The following PPP2R3A variants were observed in gnomAD, a reference collection of about 807,000 sequenced individuals.
The protein encoded by PPP2R3A is protein phosphatase 2 regulatory subunit B''alpha.
In PPP2R3A, 80 loss-of-function variants were observed where a neutral mutation model predicts 106.9. The ratio of observed to expected loss-of-function variants is 0.75; its 90% confidence interval spans 0.62 to 0.90. The LOEUF (loss-of-function observed/expected upper bound fraction) is 0.90. PPP2R3A is among the 40% of genes least tolerant of loss of function. PPP2R3A has a pLI of 0.00. For missense variants in PPP2R3A, 1,386 were observed against 1,350.4 expected (o/e 1.03, Z -0.41); for synonymous variants, 483 against 468.3 (o/e 1.03, Z -0.41).
chr3:136,027,475 G>A (rs2107823903), intron 3 of PPP2R3A, among the ~76,000 whole-genome samples: 1 of 152,214 alleles, frequency 6.6e-6, no homozygotes, highest in Middle Eastern at 3.4e-3. Context: ...TGCCAGACAA[G>A]GAAGCATTAG....
chr3:136,064,349 A>G (rs943323863), intron 5 of PPP2R3A, among the ~76,000 whole-genome samples: 5 of 151,618 alleles, frequency 3.3e-5, no homozygotes, highest in African/African-American at 9.7e-5. Context: ...GCACACCAGC[A>G]TGGCACATGT....
intron 1 of PPP2R3A, among the ~76,000 whole-genome samples, chr3:135,987,282 C>T (rs560872040): frequency 6.6e-6 from 1 of 152,252 alleles, no homozygotes; most frequent in South Asian, 2.1e-4. Context: ...ATAGCAGTAA[C>T]ATAACCAGAG....
chr3:136,127,363 G>A (rs1322036773), intron 13 of PPP2R3A, among the ~76,000 whole-genome samples: 28 of 151,882 alleles, frequency 1.8e-4, no homozygotes, highest in Admixed American at 1.8e-3. Context: ...AGAACTTCCT[G>A]ACATACAAGC....
intron 3 of PPP2R3A, among the ~76,000 whole-genome samples, chr3:136,036,401 C>T (rs933213162): frequency 6.6e-6 from 1 of 152,178 alleles, no homozygotes; most frequent in Non-Finnish European, 1.5e-5. Context: ...TCTTTTGTCC[C>T]ACAGGGTGTT....
Position 136,008,482 on chromosome 3 carries a change from G to T in PPP2R3A, c.1995+4989G>T, listed in dbSNP as rs191244750. On this transcript the variant is annotated intron_variant, in intron 2 of 13. Transcript: ENST00000264977. Reference sequence around the variant, plus strand: ...CACATTTGGTGGCTTCTGACGTCAGGTACCTTTGCATTAATACCTGCATTC... The same window carrying T: ...CACATTTGGTGGCTTCTGACGTCAGTTACCTTTGCATTAATACCTGCATTC... 2.6e-5 allele frequency among the ~76,000 whole-genome samples: 4 copies of T among 152,248 alleles called. No individual in the cohort carries two copies. The East Asian group carries it at 7.7e-4, about 29-fold the overall frequency.
intron 2 of PPP2R3A, among the ~76,000 whole-genome samples, chr3:136,022,035 T>C (rs553524051): frequency 3.5e-4 from 54 of 152,208 alleles, no homozygotes; most frequent in Middle Eastern, 3.4e-3. Context: ...AAAGGATGAC[T>C]TTACTTTATG....
intron 4 of PPP2R3A, among the ~76,000 whole-genome samples, chr3:136,047,300 C>G (rs541453299): frequency 1.3e-5 from 2 of 152,142 alleles, no homozygotes; most frequent in Admixed American, 6.5e-5. Context: ...GGGTATATAC[C>G]CAAAGAAAAA....
At chr3:136,077,036 G>T (rs1936621430) in intron 6 of PPP2R3A, among the ~76,000 whole-genome samples, 1 of 152,096 alleles carries the variant, frequency 6.6e-6, no homozygotes, top group African/African-American at 2.4e-5. Context: ...GGTGATGATG[G>T]TCAGGTGCAC....
At chr3:135,997,159 T>TA (rs1933434029) in intron 1 of PPP2R3A, among the ~76,000 whole-genome samples, 1 of 152,186 alleles carries the variant, frequency 6.6e-6, no homozygotes, top group Admixed American at 6.5e-5. Flanking sequence ...AGCCCTCCTT[T>TA]TCTTAGCAAA....
intron 8 of PPP2R3A, among the ~76,000 whole-genome samples, chr3:136,085,849 G>A (rs1936913316): frequency 6.6e-6 from 1 of 151,786 alleles, no homozygotes; most frequent in Non-Finnish European, 1.5e-5. Flanking sequence ...CACTTTGGGA[G>A]GCCAAAGCGA....
rs920699371 is a variant in PPP2R3A, at chr3:135,982,748, G to A, written c.-441+16899G>A. Reference sequence around the variant, plus strand: ...AGTTCTGCTTTCCCATCTGATCTCAGTATCATCTTCCCCAACTCCAGCCAC... The same window carrying A: ...AGTTCTGCTTTCCCATCTGATCTCAATATCATCTTCCCCAACTCCAGCCAC... On this transcript the variant is annotated intron_variant, in intron 1 of 13. Transcript: ENST00000264977. Among the ~76,000 whole-genome samples, 3 of 152,090 alleles carry A rather than the reference G, an allele frequency of 2.0e-5. No homozygotes were observed. The East Asian group carries it at 5.8e-4, about 29-fold the overall frequency.
At chr3:136,139,706 A>AAAAG (rs771436729) in intron 13 of PPP2R3A, among the ~76,000 whole-genome samples, 2,883 of 149,948 alleles carry the variant, frequency 0.019, 124 homozygotes, top group African/African-American at 0.067. Context: ...AAAAAAAAAA[A>AAAAG]AAAGAGTTTG....
intron 13 of PPP2R3A, among the ~76,000 whole-genome samples, chr3:136,107,760 T>G (rs1223514114): frequency 6.6e-6 from 1 of 152,204 alleles, no homozygotes; most frequent in Non-Finnish European, 1.5e-5. Context: ...ACCCTTAAAA[T>G]CATTCATCGT....
At chr3:136,035,763 G>A (rs1283104380) in intron 3 of PPP2R3A, among the ~76,000 whole-genome samples, 1 of 152,188 alleles carries the variant, frequency 6.6e-6, no homozygotes, top group African/African-American at 2.4e-5. Flanking sequence ...GTATTTGGAT[G>A]TCTAGGTCTC....
chr3:136,103,118 T>A, intron 11 of PPP2R3A, 140 bp from the exon 12 acceptor site: 1 of 511,694 alleles, frequency 2.0e-6, no homozygotes, highest in Non-Finnish European at 3.5e-6. Flanking sequence ...AAAAAAGAAA[T>A]GAGATTTAAA....
intron 6 of PPP2R3A, among the ~76,000 whole-genome samples, chr3:136,073,630 G>A (rs1936509269): frequency 6.6e-6 from 1 of 152,112 alleles, no homozygotes; most frequent in African/African-American, 2.4e-5. Context: ...ACCTAATTGG[G>A]AACATTTCAC....
At chr3:135,979,559 C>G (rs1030289331) in intron 1 of PPP2R3A, among the ~76,000 whole-genome samples, 4 of 151,728 alleles carry the variant, frequency 2.6e-5, no homozygotes, top group African/African-American at 9.8e-5. Flanking sequence ...GTCCCTTTAA[C>G]TGAAGTACAC....
chr3:135,988,615 T>C (rs1933025161), intron 1 of PPP2R3A, among the ~76,000 whole-genome samples: 2 of 152,152 alleles, frequency 1.3e-5, no homozygotes, highest in South Asian at 4.1e-4. Context: ...ATTCTCACTC[T>C]TGCTAAAACA....
intron 5 of PPP2R3A, among the ~76,000 whole-genome samples, chr3:136,053,546 G>A (rs1016941730): frequency 6.6e-6 from 1 of 152,018 alleles, no homozygotes; most frequent in Non-Finnish European, 1.5e-5. Context: ...ACTGAAGGTC[G>A]GTATACACAA....
Sources: allele counts gnomAD v4.1 joint callset (sites outside exome capture counted in the v4.1 genomes callset), GRCh38; gene constraint gnomAD v4.1.1; transcripts MANE v1.5; gene names NCBI Gene and HGNC (gene_info 2026-07-23, HGNC 2026-07-21).